SPPL2B: variants seen among roughly 807,000 people sequenced by gnomAD.
The protein encoded by SPPL2B is signal peptide peptidase like 2B, also known as signal peptide peptidase-like 2B.
A neutral mutation model predicts 59.7 loss-of-function variants in SPPL2B; 39 were observed. The ratio of observed to expected loss-of-function variants is 0.65; its 90% CI spans 0.51 to 0.85. The LOEUF is 0.85. Ranked by LOEUF, SPPL2B falls within the 40% of genes least tolerant of loss-of-function variation. SPPL2B has a pLI of 0.00. For missense variants in SPPL2B, 865 were observed against 849.0 expected, an observed-to-expected ratio of 1.02 and a Z score of -0.23; for synonymous variants, 419 against 370.8, an observed-to-expected ratio of 1.13 and a Z score of -1.49.
intron 8 of SPPL2B, chr19:2,341,329 G>A: frequency 1.8e-6 from 1 of 554,060 alleles, no homozygotes; most frequent in African/African-American, 1.9e-5. Context: ...GCCACAGTCT[G>A]TCCCCCGCTG....
At chr19:2,343,510 G>A (rs1429709539) in intron 9 of SPPL2B, among the ~76,000 whole-genome samples, 1 of 152,208 alleles carries the variant, frequency 6.6e-6, no homozygotes, top group Non-Finnish European at 1.5e-5. Flanking sequence ...GCGGTTCCCG[G>A]CAGGGGCAAC....
At chr19:2,352,298 G>T (rs143289737) in intron 14 of SPPL2B, among the ~76,000 whole-genome samples, 143 of 152,196 alleles carry the variant, frequency 9.4e-4, no homozygotes, top group Non-Finnish European at 1.6e-3. Flanking sequence ...GTCCATGACC[G>T]CCCAGGGAGC....
intron 1 of SPPL2B, among the ~76,000 whole-genome samples, chr19:2,331,880 T>G (rs1268737825): frequency 1.3e-5 from 2 of 152,248 alleles, no homozygotes; most frequent in Non-Finnish European, 2.9e-5. Flanking sequence ...GGCTTGGCTG[T>G]GTTCCAATAA....
chr19:2,338,578 T>G, intron 3 of SPPL2B, 174 bp from the exon 4 acceptor site: 1 of 570,448 alleles, frequency 1.8e-6, no homozygotes, highest in Non-Finnish European at 3.2e-6. Flanking sequence ...TCCCTGTTCT[T>G]GGGTCCTCCT....
At chr19:2,334,453 C>A in intron 1 of SPPL2B, 149 bp from the exon 2 acceptor site, 2 of 1,057,438 alleles carry the variant, frequency 1.9e-6, no homozygotes, top group Non-Finnish European at 2.7e-6. Flanking sequence ...CCTGTCTGTC[C>A]TGTCGAGAGG....
intron 8 of SPPL2B, chr19:2,341,275 C>T: frequency 3.1e-6 from 2 of 649,316 alleles, no homozygotes; most frequent in Non-Finnish European, 2.9e-6. Context: ...GAGCCACGTC[C>T]TCCAGCCTGG....
intron 10 of SPPL2B, 55 bp downstream of exon 10, chr19:2,344,094 G>A (rs1410809918): frequency 2.4e-6 from 2 of 833,982 alleles, no homozygotes; most frequent in Admixed American, 4.3e-5. Flanking sequence ...CCGCCCCCTC[G>A]CAACCCCCGC....
At chr19:2,337,366 C>T (rs1368357064) in intron 2 of SPPL2B, 77 bp from the exon 3 acceptor site, 14 of 1,381,842 alleles carry the variant, frequency 1.0e-5, no homozygotes, top group Non-Finnish European at 1.4e-5. Flanking sequence ...GCGCAGGCTT[C>T]AGGTGGGAGA....
At chr19:2,351,667 G>C in intron 14 of SPPL2B, 73 bp downstream of exon 14, 1 of 1,539,776 alleles carries the variant, frequency 6.5e-7, no homozygotes, top group Non-Finnish European at 8.8e-7. Flanking sequence ...AGTTGAGTGA[G>C]ACCTCCAGCC....
intron 13 of SPPL2B, among the ~76,000 whole-genome samples, chr19:2,348,495 A>ACG (rs1397733600): frequency 8.8e-6 from 1 of 113,510 alleles, no homozygotes; most frequent in African/African-American, 3.7e-5. Flanking sequence ...ACACACACTC[A>ACG]CGCTCTCATT....
chr19:2,352,122 A>G (rs1330790053), intron 14 of SPPL2B, among the ~76,000 whole-genome samples: 1 of 152,120 alleles, frequency 6.6e-6, no homozygotes, highest in Non-Finnish European at 1.5e-5. Flanking sequence ...CGTGAGATGC[A>G]GGGAGGGCTT....
chr19:2,334,643 C>CG lies in SPPL2B; in HGVS notation c.113dup (p.Glu40ArgfsTer63). On this transcript the variant is annotated frameshift_variant, in exon 2 of 15. Coordinates refer to ENST00000613503, the MANE Select transcript of SPPL2B (RefSeq NM_152988.3). LOFTEE classifies it high-confidence loss of function. ...GCATGGTGCACGTGGTCTCCCAGGC[C>CG]GGGGGCCCCGAAGGCAAAGACTACT... 3 of 1,612,872 alleles carry CG rather than the reference C, an allele frequency of 1.9e-6. No individual in the cohort carries two copies. The highest frequency in any genetic ancestry group is 2.5e-6 in the Non-Finnish European group (3 of 1,179,444).
At chr19:2,334,745 C>T (rs748569066) in intron 2 of SPPL2B, 24 bp downstream of exon 2, 21 of 1,536,154 alleles carry the variant, frequency 1.4e-5, no homozygotes, top group Middle Eastern at 1.7e-4. Flanking sequence ...GGCCGGGCGC[C>T]GCTGCGGAGG....
chr19:2,350,432 G>A (rs1401586892), intron 13 of SPPL2B, among the ~76,000 whole-genome samples: 12 of 143,800 alleles, frequency 8.3e-5, no homozygotes, highest in African/African-American at 1.6e-4. Flanking sequence ...ACACACACTC[G>A]CGCTCTCATT....
chr19:2,352,064 GT>G (rs1276203399), intron 14 of SPPL2B, among the ~76,000 whole-genome samples: 2 of 152,212 alleles, frequency 1.3e-5, no homozygotes, highest in Non-Finnish European at 2.9e-5. Flanking sequence ...TGGAAGCCCT[GT>G]CCCCTGTCCC....
intron 10 of SPPL2B, 41 bp downstream of exon 10, chr19:2,344,080 T>TC: frequency 3.5e-6 from 4 of 1,128,232 alleles, no homozygotes; most frequent in Admixed American, 5.8e-5. Context: ...ATCACCCCGC[T>TC]CCCCCGCCCC....
chr19:2,343,204 C>G lies in SPPL2B; in HGVS notation c.957-7C>G. 3 of 1,552,814 alleles carry G rather than the reference C, an allele frequency of 1.9e-6. No individual in the cohort carries two copies. The highest frequency in any genetic ancestry group is 2.6e-6 in the Non-Finnish European group (3 of 1,147,852). ...TGCCCCGGCGAGGATGCTGCTTTGT[C>G]TTGCAGGTGGGCCTGGGTCCTCCAG... On this transcript the variant is annotated splice_region_variant and splice_polypyrimidine_tract_variant and intron_variant, in intron 8 of 14. Transcript: ENST00000613503.
intron 14 of SPPL2B, 118 bp downstream of exon 14, chr19:2,351,712 T>C: frequency 7.3e-7 from 1 of 1,364,936 alleles, no homozygotes; most frequent in Non-Finnish European, 9.9e-7. Context: ...GGGCTCAGGG[T>C]CCTGGTACCT....
At chr19:2,342,930 C>T (rs1969142194) in intron 8 of SPPL2B, 1 of 460,240 alleles carries the variant, frequency 2.2e-6, no homozygotes, top group African/African-American at 2.0e-5. Flanking sequence ...CGCAGCCGGC[C>T]AGGCCTGTGT....
Sources: gnomAD v4.1 joint callset for allele counts (sites outside exome capture counted in the v4.1 genomes callset) on GRCh38, gnomAD v4.1.1 for gene constraint, MANE v1.5 for transcripts, NCBI Gene and HGNC (gene_info 2026-07-23, HGNC 2026-07-21) for gene names.